WDR86: variants seen among roughly 807,000 people sequenced by gnomAD.
WDR86 encodes the protein WD repeat domain 86, also known as WD repeat-containing protein 86.
In WDR86, 30 loss-of-function variants were observed where a neutral mutation model predicts 36.5. That is an observed-to-expected ratio of 0.82 (90% CI 0.61 to 1.11). The LOEUF (loss-of-function observed/expected upper bound fraction) is 1.11. WDR86 is among the 50% of genes most tolerant of loss of function. WDR86 has a pLI of 0.00. For missense variants in WDR86, 545 were observed against 561.2 expected (o/e 0.97, Z 0.29); for synonymous variants, 255 against 252.9 (o/e 1.01, Z -0.08).
At chr7:151,379,035 G>A (rs560759657), downstream of WDR86, among the ~76,000 whole-genome samples, 2 of 152,320 alleles carry the variant, frequency 1.3e-5, no homozygotes, top group South Asian at 4.1e-4. Flanking sequence ...GGGGCAGGAC[G>A]GTGCTGAGGT....
At chr7:151,393,430 G>T (rs1022351808) in intron 3 of WDR86, among the ~76,000 whole-genome samples, 4 of 152,126 alleles carry the variant, frequency 2.6e-5, no homozygotes, top group African/African-American at 4.8e-5. Flanking sequence ...AATACCCCAG[G>T]GAGCGAACCC....
rs1397174604 is a variant in WDR86, at chr7:151,385,145, G to A, written c.805C>T (p.Arg269Cys). ...CWLADTGECV[R>C]TFTAHRRNVS... The stretch of plus-strand genomic sequence containing the variant: ...TTGCGTCTGTGGGCCGTGAACGTGC[G>A]CACACACTCCCCTGTGTCTGCCAGC... The change falls in exon 4 of 6, where the codon CGC becomes TGC. Residue 269 changes from arginine (R) to cysteine (C), a missense_variant. Coordinates refer to ENST00000334493, the MANE Select transcript of WDR86 (RefSeq NM_198285.3). The A allele has an allele frequency of 3.7e-6, 6 of 1,612,778 alleles. No individual in the cohort carries two copies. The highest frequency in any genetic ancestry group is 1.3e-5 in the African/African-American group (1 of 75,044).
chr7:151,407,178 G>A (rs936774079), intron 1 of WDR86, among the ~76,000 whole-genome samples: 2 of 152,230 alleles, frequency 1.3e-5, no homozygotes, highest in African/African-American at 4.8e-5. Flanking sequence ...TGTCCTGCTT[G>A]AGCGGGGATA....
At chr7:151,391,722 C>A (rs181949916) in intron 3 of WDR86, among the ~76,000 whole-genome samples, 1 of 152,196 alleles carries the variant, frequency 6.6e-6, no homozygotes. Context: ...TGTCACCCAA[C>A]AGACTTCCCA....
At chr7:151,397,845 C>T (rs1035196553) in intron 2 of WDR86, among the ~76,000 whole-genome samples, 12 of 125,776 alleles carry the variant, frequency 9.5e-5, no homozygotes, top group African/African-American at 3.3e-4. Context: ...AAGGGCATAG[C>T]GGGAGGAAGG....
Position 151,395,901 on chromosome 7 carries a change from G to C in WDR86, c.601C>G (p.Leu201Val). The change falls in exon 3 of 6, where the codon CTA becomes GTA. Residue 201 changes from leucine to valine, a missense_variant. Leu to Val is a conservative substitution (Grantham distance 32). Coordinates refer to ENST00000334493, the MANE Select transcript of WDR86 (RefSeq NM_198285.3). ...GHTGAVLCLV[L>V]DTPGHTAFTG... ...AAGGCCGTGTGGCCGGGCGTGTCTA[G>C]CACTAGGCACAGCACTGCACCCGTG... The C allele has an allele frequency of 6.2e-7, 1 of 1,602,206 alleles. No individual in the cohort carries two copies. Among genetic ancestry groups the C allele is most frequent in the Non-Finnish European group, 8.5e-7 (1 of 1,176,952 alleles).
chr7:151,394,155 G>A (rs1006204483), intron 3 of WDR86, among the ~76,000 whole-genome samples: 3 of 152,124 alleles, frequency 2.0e-5, no homozygotes, highest in Admixed American at 1.3e-4. Context: ...CCCTCATCTC[G>A]CTGCATTTGC....
the WDR86 span, among the ~76,000 whole-genome samples, chr7:151,370,776 G>A: frequency 9.6e-5 from 14 of 146,422 alleles, no homozygotes; most frequent in African/African-American, 3.6e-4. Context: ...TCCCACCTGT[G>A]AGTGAGAATA....
At chr7:151,397,423 GTATT>G (rs1470961371) in intron 2 of WDR86, among the ~76,000 whole-genome samples, 1 of 152,188 alleles carries the variant, frequency 6.6e-6, no homozygotes, top group Non-Finnish European at 1.5e-5. Context: ...CACAAAACAT[GTATT>G]TATTTATTTA....
Position 151,409,713 on chromosome 7 carries a change from C to A in WDR86, c.-124G>T. The A allele has an allele frequency of 7.7e-7, 1 of 1,294,646 alleles. No individual in the cohort carries two copies. 80.2% of individuals were successfully genotyped at this position (1,294,646 alleles called of 1,614,324 possible). On this transcript the variant is annotated 5_prime_UTR_variant, in exon 1 of 6. Transcript: ENST00000334493. This position sits in a 1 kb window ranked among gnomAD's most constrained non-coding sequence, Gnocchi z 5.2. ...ATCGCGGGGAACGGGGAGCCCGACT[C>A]CTGCGGAGGCACGCGGCGAGGGGAG...
intron 3 of WDR86, among the ~76,000 whole-genome samples, chr7:151,391,089 C>A (rs531535243): frequency 5.9e-5 from 9 of 152,378 alleles, no homozygotes; most frequent in Admixed American, 2.6e-4. Flanking sequence ...GCCAATCAGG[C>A]CCTTCTAGAA....
downstream of WDR86, chr7:151,375,889 C>T (rs993424054): frequency 9.9e-6 from 16 of 1,613,224 alleles, no homozygotes; most frequent in Non-Finnish European, 1.4e-5. Context: ...TAAATGATTC[C>T]AATCCTGAAA....
In WDR86 at chr7:151,395,165, G is replaced by A. The variant is rs532300063; in HGVS notation, c.726+611C>T. On this transcript the variant is annotated intron_variant, in intron 3 of 5. Transcript: ENST00000334493. ...TTATAGCATGATGGGCCACTTCCCA[G>A]TCCCCAACCCATGAGGACGGAGCCC... 1.6e-3 allele frequency among the ~76,000 whole-genome samples: 239 copies of A among 152,310 alleles called. 2 individuals are homozygous for A. Among genetic ancestry groups the A allele is most frequent in the African/African-American group, 5.5e-3 (229 of 41,572 alleles).
At chr7:151,378,326 G>A (rs1021094732), downstream of WDR86, 8 of 152,204 alleles carry the variant, frequency 5.3e-5, no homozygotes, top group African/African-American at 1.7e-4. Flanking sequence ...ATGCGGAGCC[G>A]GCTGAAATGC....
downstream of WDR86, chr7:151,374,484 GCA>G: frequency 1.7e-6 from 1 of 597,948 alleles, no homozygotes; most frequent in Non-Finnish European, 3.0e-6. Context: ...GTCCACACCA[GCA>G]CAGTCCACAG....
At chr7:151,389,118 C>CTTTTTTTTTTTTTT (rs34882878) in intron 3 of WDR86, among the ~76,000 whole-genome samples, 4 of 125,574 alleles carry the variant, frequency 3.2e-5, no homozygotes, top group Non-Finnish European at 1.7e-5. Flanking sequence ...CTTTTCTTTC[C>CTTTTTTTTTTTTTT]TTTTTTTTTT....
intron 3 of WDR86, among the ~76,000 whole-genome samples, chr7:151,387,617 A>G (rs1799085180): frequency 6.6e-6 from 1 of 151,942 alleles, no homozygotes; most frequent in African/African-American, 2.4e-5. Flanking sequence ...GAAGCAGGAG[A>G]GGCACCGGCC....
chr7:151,402,455 G>A (rs1036664871), intron 1 of WDR86, among the ~76,000 whole-genome samples: 3 of 152,164 alleles, frequency 2.0e-5, no homozygotes, highest in Non-Finnish European at 4.4e-5. Context: ...AGGCCCAGAA[G>A]GGAAGACAGT....
At position 151,409,775 on chromosome 7, in the gene WDR86, T is replaced by C. The variant is rs1355962264; in HGVS notation, c.-186A>G. 7.9e-7 allele frequency: 1 copy of C among 1,271,406 alleles called. No homozygotes were observed. Among genetic ancestry groups the C allele is most frequent in the East Asian group, 3.2e-5 (1 of 31,092 alleles). 78.8% of individuals were successfully genotyped at this position (1,271,406 alleles called of 1,614,324 possible). On this transcript the variant is annotated 5_prime_UTR_variant, in exon 1 of 6. Coordinates refer to ENST00000334493, the MANE Select transcript of WDR86 (RefSeq NM_198285.3). This position sits in a 1 kb window ranked among gnomAD's most constrained non-coding sequence, Gnocchi z 5.2. ...CTAGCTCCCCGCTGCCTCCAGCCTCTGGGCCCGCGAACCCAGGGCGCTGCG... is the reference window on the plus strand; with the variant it reads ...CTAGCTCCCCGCTGCCTCCAGCCTCCGGGCCCGCGAACCCAGGGCGCTGCG...
Sources: gnomAD v4.1 joint callset for allele counts (sites outside exome capture counted in the v4.1 genomes callset) on GRCh38, gnomAD v4.1.1 for gene constraint, Gnocchi (gnomAD v3.1) non-coding constraint, MANE v1.5 for transcripts, NCBI Gene and HGNC (gene_info 2026-07-23, HGNC 2026-07-21) for gene names.